The following CYP1A1 variants were observed in gnomAD, a reference collection of about 807,000 sequenced individuals.
CYP1A1 encodes the protein cytochrome P450 family 1 subfamily A member 1, also known as cytochrome P450 1A1.
A neutral mutation model predicts 33.6 loss-of-function variants in CYP1A1; 43 were observed. The ratio of observed to expected loss-of-function variants is 1.28; its 90% CI spans 1.00 to 1.65. The LOEUF (loss-of-function observed/expected upper bound fraction) is 1.65, where lower values mean the gene tolerates loss of function less well. CYP1A1 is among the 40% of genes most tolerant of loss of function. CYP1A1 has a pLI of 0.00. For synonymous variants in CYP1A1, 280 were observed against 257.8 expected (o/e 1.09, Z -0.83); for missense variants, 637 against 653.7 (o/e 0.97, Z 0.28).
chr15:74,723,771 G>C (rs984891200), intron 1 of CYP1A1, among the ~76,000 whole-genome samples: 2 of 152,316 alleles, frequency 1.3e-5, no homozygotes, highest in Middle Eastern at 3.4e-3. Flanking sequence ...CTTGTCCAAA[G>C]TCCCCCAGCA....
At chr15:74,722,055 A>C (rs1355785072) in intron 2 of CYP1A1, 5 of 599,208 alleles carry the variant, frequency 8.3e-6, no homozygotes, top group Non-Finnish European at 1.2e-5. Context: ...ATGACTCTTC[A>C]GTGGCTATTG....
chr15:74,721,052 T>G lies in CYP1A1; in HGVS notation c.1168A>C (p.Thr390Pro). 6.2e-7 allele frequency: 1 copy of G among 1,614,180 alleles called. No homozygotes were observed. Among genetic ancestry groups the G allele is most frequent in the Non-Finnish European group, 8.5e-7 (1 of 1,180,000 alleles). The change falls in exon 6 of 7, where the codon ACA becomes CCA. Residue 390 changes from threonine (T) to proline (P), a missense_variant and splice_region_variant. By Grantham distance (38) the Thr-to-Pro change is conservative. Coordinates refer to ENST00000379727, the MANE Select transcript of CYP1A1 (RefSeq NM_001319217.2). ...CCTTTCAAACTTGTGTCTCTTGTTG[T>G]GCTAGGGAGAAAGGAAGCTCAGTCA... ...SFVPFTIPHS[T>P]TRDTSLKGFY...
rs572395644 is a variant in CYP1A1 at position 74,720,903 on chromosome 15, T to C, written c.1253+64A>G. 2.2e-5 allele frequency: 35 copies of C among 1,555,892 alleles called. No individual in the cohort carries two copies. In the African/African-American group the frequency reaches 3.1e-4, roughly 14 times the overall value. On this transcript the variant is annotated intron_variant, in intron 6 of 6. Transcript: ENST00000379727. ...GACAGGAGGATCAATGCAATGATTG[T>C]ATTAATCATATATAAGAGCTTAAGA...
At chr15:74,724,103 A>G (rs1488702701) in intron 1 of CYP1A1, among the ~76,000 whole-genome samples, 1 of 152,104 alleles carries the variant, frequency 6.6e-6, no homozygotes, top group African/African-American at 2.4e-5. Context: ...AATCCAGGCC[A>G]GGGTTTTTTT....
rs2063183282 is a variant in CYP1A1, at chr15:74,722,783, GC to G, written c.314del (p.Gly105AlafsTer38). On this transcript the variant is annotated frameshift_variant, in exon 2 of 7. Transcript: ENST00000379727. LOFTEE classifies it high-confidence loss of function. ...ALVRQGDDFK[G>X]RPDLYTFTLI... is the part of the protein sequence containing the mutation. ...GGGTGAAGGTGTAGAGGTCGGGCCG[GC>G]CCTTGAAATCATCGCCCTGCCGCAC... The G allele has an allele frequency of 1.3e-6, 2 of 1,579,348 alleles. No homozygotes were observed. Among genetic ancestry groups the G allele is most frequent in the Non-Finnish European group, 1.7e-6 (2 of 1,162,664 alleles).
intron 2 of CYP1A1, 55 bp from the exon 3 acceptor site, chr15:74,721,772 C>G: frequency 6.3e-7 from 1 of 1,594,222 alleles, no homozygotes; most frequent in South Asian, 1.1e-5. Context: ...AGCTACCTCT[C>G]CATCCAGGTC....
intron 1 of CYP1A1, among the ~76,000 whole-genome samples, chr15:74,723,896 A>G (rs2063193839): frequency 6.6e-6 from 1 of 152,216 alleles, no homozygotes; most frequent in South Asian, 2.1e-4. Flanking sequence ...GAATTTTCCC[A>G]GAACCCTCAG....
intron 1 of CYP1A1, chr15:74,725,167 G>A (rs2063206454): frequency 6.5e-6 from 1 of 152,854 alleles, no homozygotes; most frequent in African/African-American, 2.4e-5. Flanking sequence ...ACACTCACTA[G>A]GGGATGGAGC....
Position 74,720,331 on chromosome 15 carries a change from G to T in CYP1A1, c.*158C>A. On this transcript the variant is annotated 3_prime_UTR_variant, in exon 7 of 7. Coordinates refer to ENST00000379727, the MANE Select transcript of CYP1A1 (RefSeq NM_001319217.2). ...GCAAGTCCAGGGTAGGGGCAGGCAG[G>T]ATCCCTTAGGCTTGCCCACAGCCCA... 1.3e-6 allele frequency: 1 copy of T among 741,168 alleles called. No homozygotes were observed. The highest frequency in any genetic ancestry group is 2.1e-6 in the Non-Finnish European group (1 of 485,192). 45.9% of individuals were successfully genotyped at this position (741,168 alleles called of 1,614,324 possible). A position where few individuals can be genotyped will look rare whatever the true frequency, so the allele number is the denominator to read the frequency against.
intron 1 of CYP1A1, among the ~76,000 whole-genome samples, chr15:74,723,890 T>A (rs1436395422): frequency 6.6e-6 from 1 of 152,114 alleles, no homozygotes; most frequent in Admixed American, 6.5e-5. Flanking sequence ...ATGAAGGAAT[T>A]TTCCCAGAAC....
At position 74,722,424 on chromosome 15, in the gene CYP1A1, C is replaced by T. The variant is rs2063178515; in HGVS notation, c.674G>A (p.Gly225Glu). The T allele has an allele frequency of 4.3e-6, 7 of 1,613,912 alleles. No individual in the cohort carries two copies. The highest frequency in any genetic ancestry group is 2.2e-5 in the East Asian group (1 of 44,864). ...TGGGTTTCCAGAGCCAACCACCTCCCCGAAATTATTATTCAGGTTGACTAG... is the reference window on the plus strand; with the variant it reads ...TGGGTTTCCAGAGCCAACCACCTCCTCGAAATTATTATTCAGGTTGACTAG... ...LSLVNLNNNF[G>E]EVVGSGNPAD... The change falls in exon 2 of 7, where the codon GGG (glycine) becomes GAG (glutamate). Residue 225 changes from glycine (G) to glutamate (E), a missense_variant. Physicochemically the swap from Gly to Glu is moderately conservative, Grantham distance 98. Transcript: ENST00000379727.
Position 74,720,645 on chromosome 15 carries a change from G to A in CYP1A1, c.1383C>T (p.Thr461=). The A allele has an allele frequency of 6.2e-7, 1 of 1,614,126 alleles. No homozygotes were observed. The highest frequency in any genetic ancestry group is 2.2e-5 in the East Asian group (1 of 44,868). The part of the protein sequence containing the change: ...GMGKRKCIGE[T]IARWEVFLFL... Reference sequence around the variant, plus strand: ...AGAGAAAGACCTCCCAGCGGGCAATGGTCTCACCGATACACTTCCGCTTGC... The same window carrying A: ...AGAGAAAGACCTCCCAGCGGGCAATAGTCTCACCGATACACTTCCGCTTGC... The change falls in exon 7 of 7, where the codon ACC becomes ACT. Residue 461 remains threonine, a synonymous_variant. Transcript: ENST00000379727.
intron 1 of CYP1A1, among the ~76,000 whole-genome samples, chr15:74,724,537 C>T (rs570535374): frequency 1.1e-4 from 16 of 151,772 alleles, no homozygotes; most frequent in Admixed American, 3.9e-4. Flanking sequence ...GGGAACCTGA[C>T]AGTCTTACCA....
In CYP1A1 at chr15:74,721,716, C is replaced by T; in HGVS notation, c.827G>A (p.Gly276Asp). ...GCTGTCTGTGATGTCCCGGATGTGG[C>T]CCTTAGGTAGGGAAAGTCCACAGGT... is the stretch of plus-strand genomic sequence containing the variant. ...VKEHYKTFEKGHIRDITDSLI... is the reference protein window; with the variant it reads ...VKEHYKTFEKDHIRDITDSLI... Residue 276 changes from glycine to aspartate, a missense_variant and splice_region_variant, in exon 3 of 7, where the codon GGC becomes GAC. By Grantham distance (94) the Gly-to-Asp change is moderately conservative. Transcript: ENST00000379727. 6.2e-7 allele frequency: 1 copy of T among 1,613,674 alleles called. No homozygotes were observed. The highest frequency in any genetic ancestry group is 1.3e-5 in the African/African-American group (1 of 75,000).
At position 74,720,792 on chromosome 15, in the gene CYP1A1, C is replaced by G. The variant is rs2063162427; in HGVS notation, c.1254-18G>C. ...ATAGCTTCCTGTAACCAGAGGGAGA[C>G]AGCTGAAGTGGCAGTTCAGGGCTCA... On this transcript the variant is annotated intron_variant, in intron 6 of 6. Coordinates refer to ENST00000379727, the MANE Select transcript of CYP1A1 (RefSeq NM_001319217.2). The G allele has an allele frequency of 8.8e-6, 14 of 1,598,228 alleles. No individual in the cohort carries two copies. Among genetic ancestry groups the G allele is most frequent in the Non-Finnish European group, 9.4e-6 (11 of 1,171,412 alleles).
At position 74,720,463 on chromosome 15, in the gene CYP1A1, G is replaced by C; in HGVS notation, c.*26C>G. On this transcript the variant is annotated 3_prime_UTR_variant, in exon 7 of 7. Coordinates refer to ENST00000379727, the MANE Select transcript of CYP1A1 (RefSeq NM_001319217.2). Reference sequence around the variant, plus strand: ...TGCCCAACCAGACCAGGTAGACAGAGTCTAGGCCTCAGGGCTCTCAAGCAC... The same window carrying C: ...TGCCCAACCAGACCAGGTAGACAGACTCTAGGCCTCAGGGCTCTCAAGCAC... The C allele has an allele frequency of 6.5e-7, 1 of 1,538,434 alleles. No homozygotes were observed. Among genetic ancestry groups the C allele is most frequent in the Non-Finnish European group, 8.7e-7 (1 of 1,143,968 alleles).
At position 74,722,396 on chromosome 15, in the gene CYP1A1, A is replaced by G. The variant is rs1224953458; in HGVS notation, c.702T>C (p.Ala234=). The change falls in exon 2 of 7, where the codon GCT becomes GCC. Residue 234 remains alanine, a synonymous_variant. Coordinates refer to ENST00000379727, the MANE Select transcript of CYP1A1 (RefSeq NM_001319217.2). ...FGEVVGSGNP[A]DFIPILRYLP... Reference sequence around the variant, plus strand: ...GGTAGCGAAGAATAGGGATGAAGTCAGCTGGGTTTCCAGAGCCAACCACCT... The same window carrying G: ...GGTAGCGAAGAATAGGGATGAAGTCGGCTGGGTTTCCAGAGCCAACCACCT... The G allele has an allele frequency of 6.2e-7, 1 of 1,614,110 alleles. No homozygotes were observed. The highest frequency in any genetic ancestry group is 1.1e-5 in the South Asian group (1 of 91,080).
intron 1 of CYP1A1, among the ~76,000 whole-genome samples, chr15:74,724,917 A>G (rs575432806): frequency 6.6e-6 from 1 of 152,274 alleles, no homozygotes; most frequent in Admixed American, 6.5e-5. Context: ...ATCTGCCTCT[A>G]TTGTCCCAGC....
chr15:74,724,342 G>T (rs2063198451), intron 1 of CYP1A1, among the ~76,000 whole-genome samples: 1 of 152,092 alleles, frequency 6.6e-6, no homozygotes. Flanking sequence ...AACATATCAG[G>T]CATCTCTGCC....
Sources: allele counts gnomAD v4.1 joint callset (sites outside exome capture counted in the v4.1 genomes callset), GRCh38; gene constraint gnomAD v4.1.1; transcripts MANE v1.5; gene names NCBI Gene and HGNC (gene_info 2026-07-23, HGNC 2026-07-21).